Variants in PLCE1 observed in about 807,000 individuals in gnomAD.
The protein encoded by PLCE1 is phospholipase C epsilon 1, also known as 1-phosphatidylinositol 4,5-bisphosphate phosphodiesterase epsilon-1.
PLCE1 carries 119 observed loss-of-function variants against 242.8 expected under a neutral mutation model. The ratio of observed to expected loss-of-function variants is 0.49; its 90% CI spans 0.42 to 0.57. The LOEUF is 0.57. Ranked by LOEUF, PLCE1 falls within the 20% of genes least tolerant of loss-of-function variation. The pLI is 0.00. For synonymous variants in PLCE1, 945 were observed against 1,017.4 expected (o/e 0.93, Z 1.35); for missense variants, 2,441 against 2,788.8 (o/e 0.88, Z 2.81).
intron 4 of PLCE1, among the ~76,000 whole-genome samples, chr10:94,207,200 C>T (rs1211861534): frequency 2.0e-5 from 3 of 152,206 alleles, no homozygotes; most frequent in African/African-American, 4.8e-5. Flanking sequence ...ATCAGTGACA[C>T]GTCAGGAGCG....
intron 1 of PLCE1, among the ~76,000 whole-genome samples, chr10:94,004,263 C>T (rs923605606): frequency 2.0e-5 from 3 of 152,154 alleles, no homozygotes; most frequent in Admixed American, 6.5e-5. Context: ...ATTCTGGACA[C>T]ACAGTATGGA....
At chr10:94,174,982 G>A (rs574179905) in intron 4 of PLCE1, among the ~76,000 whole-genome samples, 1 of 152,170 alleles carries the variant, frequency 6.6e-6, no homozygotes, top group Non-Finnish European at 1.5e-5. Context: ...AGAGGAAGCT[G>A]AGTGAAGGGT....
Position 94,158,130 on chromosome 10 carries a change from C to A in PLCE1, c.1493-13050C>A, listed in dbSNP as rs187444789. On this transcript the variant is annotated intron_variant, in intron 3 of 32. Coordinates refer to ENST00000371380, the MANE Select transcript of PLCE1 (RefSeq NM_016341.4). ...TGTTGATTGTTATAAAACAGAGACACAGAATCCTTTCAGAATAATTAGTGT... is the reference window on the plus strand; with the variant it reads ...TGTTGATTGTTATAAAACAGAGACAAAGAATCCTTTCAGAATAATTAGTGT... 1.6e-3 allele frequency among the ~76,000 whole-genome samples: 250 copies of A among 152,254 alleles called. 7 individuals carry two copies. The highest frequency in any genetic ancestry group is 0.016 in the Admixed American group (243 of 15,286).
intron 28 of PLCE1, among the ~76,000 whole-genome samples, chr10:94,315,748 C>T (rs954072953): frequency 3.9e-5 from 5 of 127,956 alleles, no homozygotes; most frequent in Admixed American, 1.9e-4. Context: ...CCAGCCTGGG[C>T]GACAGAGGGA....
At chr10:94,213,144 A>C (rs549350868) in intron 4 of PLCE1, among the ~76,000 whole-genome samples, 3 of 152,270 alleles carry the variant, frequency 2.0e-5, no homozygotes, top group Admixed American at 2.0e-4. Context: ...TCATTTCAGG[A>C]CATTCACTGT....
At position 94,056,920 on chromosome 10, in the gene PLCE1, C is replaced by T. The variant is rs967716544; in HGVS notation, c.1206+24668C>T. ...TCACGCAATGTTTGGCCTTTTGTGACGGGCGTTTTTCACTTAGTGTAATGT... is the reference window on the plus strand; with the variant it reads ...TCACGCAATGTTTGGCCTTTTGTGATGGGCGTTTTTCACTTAGTGTAATGT... On this transcript the variant is annotated intron_variant, in intron 2 of 32. Coordinates refer to ENST00000371380, the MANE Select transcript of PLCE1 (RefSeq NM_016341.4). Among the ~76,000 whole-genome samples, 10 of 149,732 alleles carry T rather than the reference C, an allele frequency of 6.7e-5. No individual in the cohort carries two copies. In the South Asian group the frequency reaches 8.4e-4, roughly 13 times the overall value.
chr10:94,039,295 T>C (rs1379895020), intron 2 of PLCE1, among the ~76,000 whole-genome samples: 1 of 152,174 alleles, frequency 6.6e-6, no homozygotes, highest in African/African-American at 2.4e-5. Flanking sequence ...TGTTTAATCT[T>C]TTCAGGAATG....
At chr10:94,321,095 T>G (rs1031357347) in intron 29 of PLCE1, among the ~76,000 whole-genome samples, 3 of 152,198 alleles carry the variant, frequency 2.0e-5, no homozygotes, top group Non-Finnish European at 2.9e-5. Context: ...TTGTCAAAAT[T>G]TGTTTCAATG....
intron 3 of PLCE1, among the ~76,000 whole-genome samples, chr10:94,142,370 C>T (rs117593186): frequency 0.013 from 1,518 of 120,480 alleles, 11 homozygotes; most frequent in South Asian, 0.028. Context: ...AAAAAAAAAG[C>T]CAGCCAGATG....
At chr10:94,250,727 A>G (rs2050845880) in intron 8 of PLCE1, among the ~76,000 whole-genome samples, 1 of 152,220 alleles carries the variant, frequency 6.6e-6, no homozygotes. Context: ...AAAGCAGTAT[A>G]GGTTAATGGT....
At chr10:94,054,481 T>G (rs2043847413) in intron 2 of PLCE1, among the ~76,000 whole-genome samples, 1 of 152,154 alleles carries the variant, frequency 6.6e-6, no homozygotes, top group African/African-American at 2.4e-5. Flanking sequence ...GTTTCTGGAA[T>G]AGTTGGAGGG....
At chr10:94,151,043 C>T (rs567669106) in intron 3 of PLCE1, among the ~76,000 whole-genome samples, 1 of 152,218 alleles carries the variant, frequency 6.6e-6, no homozygotes, top group Non-Finnish European at 1.5e-5. Context: ...AGCTGTTCTT[C>T]CATGTCCTGT....
At chr10:94,068,985 C>T (rs1212063765) in intron 2 of PLCE1, among the ~76,000 whole-genome samples, 1 of 152,152 alleles carries the variant, frequency 6.6e-6, no homozygotes, top group Non-Finnish European at 1.5e-5. Flanking sequence ...CACAGCTTGG[C>T]AAATAGGGAG....
chr10:94,231,698 G>A (rs943539507), intron 5 of PLCE1, among the ~76,000 whole-genome samples: 14 of 152,078 alleles, frequency 9.2e-5, no homozygotes, highest in Non-Finnish European at 1.9e-4. Flanking sequence ...GTGTGGGGGT[G>A]GGGGCAGATG....
chr10:94,267,996 T>G (rs989053519), intron 16 of PLCE1, among the ~76,000 whole-genome samples: 1 of 152,184 alleles, frequency 6.6e-6, no homozygotes, highest in Non-Finnish European at 1.5e-5. Context: ...CTAAAATCAG[T>G]GGGTAGGCAC....
chr10:94,326,030 T>C (rs7901773), intron 32 of PLCE1, among the ~76,000 whole-genome samples: 2 of 152,180 alleles, frequency 1.3e-5, no homozygotes, highest in African/African-American at 4.8e-5. Context: ...AGCAAATTAT[T>C]TACATGAGAC....
At chr10:94,004,348 C>G (rs372282166) in intron 1 of PLCE1, among the ~76,000 whole-genome samples, 176 of 152,076 alleles carry the variant, frequency 1.2e-3, no homozygotes, top group South Asian at 8.7e-3. Flanking sequence ...AAATCATGAC[C>G]TTAGAATCTA....
intron 1 of PLCE1, among the ~76,000 whole-genome samples, chr10:94,030,025 T>G (rs1294543658): frequency 6.6e-6 from 1 of 152,194 alleles, no homozygotes; most frequent in Non-Finnish European, 1.5e-5. Context: ...TATTTCAGCT[T>G]TATATGCCTG....
At chr10:94,185,000 T>C (rs774436495) in intron 4 of PLCE1, among the ~76,000 whole-genome samples, 26 of 152,258 alleles carry the variant, frequency 1.7e-4, no homozygotes, top group South Asian at 6.2e-4. Context: ...TATTAGGTAC[T>C]GTTAGAAATA....
Sources: allele counts gnomAD v4.1 joint callset (sites outside exome capture counted in the v4.1 genomes callset), GRCh38; gene constraint gnomAD v4.1.1; transcripts MANE v1.5; gene names NCBI Gene and HGNC (gene_info 2026-07-23, HGNC 2026-07-21).